The following RASA2 variants were observed in gnomAD, a reference collection of about 807,000 sequenced individuals.
RASA2 encodes RAS p21 protein activator 2.
A neutral mutation model predicts 118.2 loss-of-function variants in RASA2; 155 were observed. The ratio of observed to expected loss-of-function variants is 1.31; its 90% CI spans 1.15 to 1.50. RASA2 has a LOEUF of 1.50. Ranked by LOEUF, RASA2 falls within the 40% of genes most tolerant of loss-of-function variation. The pLI is 0.00. For synonymous variants in RASA2, 353 were observed against 349.1 expected, an observed-to-expected ratio of 1.01 and a Z score of -0.12; for missense variants, 1,016 against 1,009.6, an observed-to-expected ratio of 1.01 and a Z score of -0.09.
chr3:141,497,398 T>C (rs981250484), intron 1 of RASA2, among the ~76,000 whole-genome samples: 4 of 152,050 alleles, frequency 2.6e-5, no homozygotes, highest in African/African-American at 9.7e-5. Context: ...TATATTATAT[T>C]ATCAAAAGTA....
intron 5 of RASA2, among the ~76,000 whole-genome samples, chr3:141,552,655 C>A (rs890278476): frequency 3.3e-5 from 5 of 152,126 alleles, no homozygotes; most frequent in African/African-American, 1.2e-4. Flanking sequence ...CATTAAAACC[C>A]AGAATTATCT....
At chr3:141,503,560 T>A (rs1044957913) in intron 1 of RASA2, among the ~76,000 whole-genome samples, 8 of 152,224 alleles carry the variant, frequency 5.3e-5, no homozygotes, top group African/African-American at 1.9e-4. Context: ...CTGTTTTCTA[T>A]AGTTACATGT....
intron 19 of RASA2, among the ~76,000 whole-genome samples, chr3:141,602,875 A>T (rs920029273): frequency 2.0e-5 from 3 of 152,206 alleles, no homozygotes; most frequent in African/African-American, 7.2e-5. Flanking sequence ...GGGATATTCC[A>T]CATACATGCC....
At chr3:141,612,234 A>C in intron 23 of RASA2, 49 bp from the exon 24 acceptor site, 10 of 1,382,782 alleles carry the variant, frequency 7.2e-6, no homozygotes, top group Non-Finnish European at 1.0e-5. Context: ...TCACCCTTTA[A>C]ATTTTTGTAT....
At chr3:141,605,919 C>T (rs2083541525) in intron 19 of RASA2, among the ~76,000 whole-genome samples, 1 of 152,162 alleles carries the variant, frequency 6.6e-6, no homozygotes, top group Non-Finnish European at 1.5e-5. Context: ...TTCTCTCCTT[C>T]CCTTCTGAGA....
intron 5 of RASA2, among the ~76,000 whole-genome samples, chr3:141,546,407 T>C (rs1261829366): frequency 6.6e-6 from 1 of 152,228 alleles, no homozygotes; most frequent in Non-Finnish European, 1.5e-5. Context: ...TATAATTTCA[T>C]TGTAGTTTTG....
At chr3:141,566,243 G>A (rs2082818777) in intron 9 of RASA2, among the ~76,000 whole-genome samples, 1 of 152,198 alleles carries the variant, frequency 6.6e-6, no homozygotes, top group Non-Finnish European at 1.5e-5. Context: ...TGCTGATATT[G>A]CAAAAGGAGA....
At chr3:141,595,289 C>T (rs1042135677) in intron 19 of RASA2, among the ~76,000 whole-genome samples, 1 of 152,108 alleles carries the variant, frequency 6.6e-6, no homozygotes, top group Non-Finnish European at 1.5e-5. Flanking sequence ...AAATGAACTA[C>T]AATACATTGA....
Position 141,560,002 on chromosome 3 carries a change from G to T in RASA2, c.863+7G>T, listed in dbSNP as rs377279986. On this transcript the variant is annotated splice_region_variant and intron_variant, in intron 9 of 23. Transcript: ENST00000286364. ...ATTCCTCTCATCAAGCCTGGTAAGG[G>T]CCCAGCATTTTAGTGAACTCCATAG... 1.8e-5 allele frequency: 29 copies of T among 1,605,128 alleles called. No homozygotes were observed. The African/African-American group carries it at 3.5e-4, about 19-fold the overall frequency.
At chr3:141,531,668 T>C (rs940148900) in intron 4 of RASA2, among the ~76,000 whole-genome samples, 1 of 152,042 alleles carries the variant, frequency 6.6e-6, no homozygotes, top group Non-Finnish European at 1.5e-5. Context: ...GTACAAGTTA[T>C]TTTCATGACT....
intron 15 of RASA2, among the ~76,000 whole-genome samples, chr3:141,577,612 G>A (rs1043370843): frequency 6.6e-6 from 1 of 152,046 alleles, no homozygotes; most frequent in South Asian, 2.1e-4. Context: ...GATTTCAGTA[G>A]CAATGAAACT....
chr3:141,586,895 T>G, intron 19 of RASA2, 143 bp downstream of exon 19: 1 of 733,688 alleles, frequency 1.4e-6, no homozygotes, highest in Non-Finnish European at 2.4e-6. Flanking sequence ...GTACTAAGAA[T>G]GAAAAAATAT....
At chr3:141,604,916 A>T (rs1039610229) in intron 19 of RASA2, among the ~76,000 whole-genome samples, 1 of 151,998 alleles carries the variant, frequency 6.6e-6, no homozygotes, top group Admixed American at 6.5e-5. Context: ...AAAAATATAC[A>T]TATATTAAAT....
At chr3:141,565,249 T>A (rs1197506723) in intron 9 of RASA2, among the ~76,000 whole-genome samples, 1 of 152,222 alleles carries the variant, frequency 6.6e-6, no homozygotes, top group Admixed American at 6.5e-5. Context: ...CCTCCCAAAG[T>A]GCTGGGATTA....
intron 8 of RASA2, 109 bp downstream of exon 8, chr3:141,559,071 G>A: frequency 2.3e-6 from 2 of 857,508 alleles, no homozygotes; most frequent in East Asian, 2.7e-5. Flanking sequence ...ATAGCAAGTT[G>A]GTTGATGAAA....
intron 15 of RASA2, chr3:141,578,661 T>G (rs1370813220): frequency 6.6e-6 from 1 of 152,244 alleles, no homozygotes; most frequent in Admixed American, 6.5e-5. Flanking sequence ...CTGTCCATTC[T>G]GTGGCTTTGT....
At chr3:141,537,917 T>C (rs983826297) in intron 4 of RASA2, among the ~76,000 whole-genome samples, 4 of 152,172 alleles carry the variant, frequency 2.6e-5, no homozygotes, top group African/African-American at 9.7e-5. Context: ...AAATATAAAA[T>C]ATATTGGAGA....
intron 9 of RASA2, among the ~76,000 whole-genome samples, chr3:141,568,722 C>T (rs2082864912): frequency 6.6e-6 from 1 of 152,022 alleles, no homozygotes; most frequent in African/African-American, 2.4e-5. Flanking sequence ...AGCTTCACTA[C>T]AAAAAGAATC....
chr3:141,532,950 C>G (rs781292545), intron 4 of RASA2, among the ~76,000 whole-genome samples: 4 of 151,834 alleles, frequency 2.6e-5, no homozygotes, highest in Non-Finnish European at 5.9e-5. Flanking sequence ...CTCAGTCTTT[C>G]CCTCTCATTT....
Sources: allele counts gnomAD v4.1 joint callset (sites outside exome capture counted in the v4.1 genomes callset), GRCh38; gene constraint gnomAD v4.1.1; transcripts MANE v1.5; gene names NCBI Gene and HGNC (gene_info 2026-07-23, HGNC 2026-07-21).